Variants in NDUFB7 observed in about 807,000 individuals in gnomAD.
The protein encoded by NDUFB7 is NADH dehydrogenase [ubiquinone] 1 beta subcomplex subunit 7.
A neutral mutation model predicts 14.7 loss-of-function variants in NDUFB7; 18 were observed. That is an observed-to-expected ratio of 1.22 (90% confidence interval 0.85 to 1.81). The LOEUF (loss-of-function observed/expected upper bound fraction) is 1.81, where lower values mean the gene tolerates loss of function less well. NDUFB7 is among the 40% of genes most tolerant of loss of function. The pLI, the probability that NDUFB7 is intolerant of heterozygous loss-of-function variation, is 0.00. For missense variants in NDUFB7, 219 were observed against 195.0 expected, an observed-to-expected ratio of 1.12 and a Z score of -0.73; for synonymous variants, 86 against 76.1, an observed-to-expected ratio of 1.13 and a Z score of -0.68.
Position 14,566,125 on chromosome 19 carries a change from T to C in NDUFB7, c.*8A>G. The C allele has an allele frequency of 1.9e-6, 3 of 1,605,334 alleles. No homozygotes were observed. The highest frequency in any genetic ancestry group is 2.6e-6 in the Non-Finnish European group (3 of 1,176,076). On this transcript the variant is annotated 3_prime_UTR_variant, in exon 3 of 3. Coordinates refer to ENST00000215565, the MANE Select transcript of NDUFB7 (RefSeq NM_004146.6). The stretch of plus-strand genomic sequence containing the variant: ...TTTGACTGGTCCATAGGGTGGGGGG[T>C]GCACCCCCTACAGGGCCACCTTGGG...
At position 14,566,745 on chromosome 19, in the gene NDUFB7, G is replaced by C. The variant is rs1009095339; in HGVS notation, c.281+20C>G. 6 of 1,533,986 alleles carry C rather than the reference G, an allele frequency of 3.9e-6. No individual in the cohort carries two copies. Among genetic ancestry groups the C allele is most frequent in the Non-Finnish European group, 5.3e-6 (6 of 1,142,524 alleles). Reference sequence around the variant, plus strand: ...GGTGTTGCGGGCCGGGGTGTTGGGGGCTGGTGTGGGGGTGCTCACTCGCGG... The same window carrying C: ...GGTGTTGCGGGCCGGGGTGTTGGGGCCTGGTGTGGGGGTGCTCACTCGCGG... On this transcript the variant is annotated intron_variant, in intron 2 of 2. Transcript: ENST00000215565.
At position 14,566,254 on chromosome 19, in the gene NDUFB7, C is replaced by T. The variant is rs372629564; in HGVS notation, c.293G>A (p.Arg98His). ...CCGCTCCCGCTCAAACTCCTTCATGCGCATCACATAGCTGGGGGAAAAGCA... is the reference window on the plus strand; with the variant it reads ...CCGCTCCCGCTCAAACTCCTTCATGTGCATCACATAGCTGGGGGAAAAGCA... ...DYCEHRDYVM[R>H]MKEFERERRL... The change falls in exon 3 of 3, where the codon CGC becomes CAC. Residue 98 changes from arginine (R) to histidine (H), a missense_variant. Arg to His is a conservative substitution (Grantham distance 29, BLOSUM62 0). Transcript: ENST00000215565. 53 of 1,613,956 alleles carry T rather than the reference C, an allele frequency of 3.3e-5. No individual in the cohort carries two copies. The highest frequency in any genetic ancestry group is 4.1e-5 in the Non-Finnish European group (48 of 1,180,028).
chr19:14,567,671 C>T lies in NDUFB7; in HGVS notation c.113-738G>A, dbSNP rs1481306245. 1.3e-5 allele frequency among the ~76,000 whole-genome samples: 2 copies of T among 152,136 alleles called. No homozygotes were observed. The highest frequency in any genetic ancestry group is 2.4e-5 in the African/African-American group (1 of 41,418). ...TGCACTCGTTCCCCACCGCCTCCCT[C>T]AGACCCAGCCTCCCTAGCCCTCCTG... On this transcript the variant is annotated intron_variant, in intron 1 of 2. Coordinates refer to ENST00000215565, the MANE Select transcript of NDUFB7 (RefSeq NM_004146.6). The surrounding 1 kb of genome is among the most constrained non-coding windows in gnomAD (Gnocchi z 5.1).
intron 1 of NDUFB7, among the ~76,000 whole-genome samples, chr19:14,569,745 G>A (rs1479845991): frequency 6.6e-6 from 1 of 152,162 alleles, no homozygotes; most frequent in African/African-American, 2.4e-5. Flanking sequence ...GCTGCTTAGA[G>A]GTCTCTGTCT....
chr19:14,572,042 C>A lies in NDUFB7; in HGVS notation c.-42G>T. On this transcript the variant is annotated 5_prime_UTR_variant, in exon 1 of 3. The change creates a new upstream start codon in the 5' untranslated region. Transcript: ENST00000215565. ...GATCCCTGCAGCAGCCGAGGGTCAC[C>A]TAGCTCCTACCCGGAACCACTGACC... 6.8e-7 allele frequency: 1 copy of A among 1,465,076 alleles called. No homozygotes were observed. Among genetic ancestry groups the A allele is most frequent in the South Asian group, 1.2e-5 (1 of 80,338 alleles). 90.8% of individuals were successfully genotyped at this position (1,465,076 alleles called of 1,614,324 possible). A position where few individuals can be genotyped will look rare whatever the true frequency, so the allele number is the denominator to read the frequency against.
At position 14,572,053 on chromosome 19, in the gene NDUFB7, C is replaced by T. The variant is rs1194526502; in HGVS notation, c.-53G>A. 1.1e-5 allele frequency: 15 copies of T among 1,372,300 alleles called. No individual in the cohort carries two copies. The highest frequency in any genetic ancestry group is 1.4e-5 in the Non-Finnish European group (14 of 1,001,048). The allele number at this position is 1,372,300 out of a possible 1,614,324, so 85.0% of individuals were successfully genotyped here. ...CAGCCGAGGGTCACCTAGCTCCTAC[C>T]CGGAACCACTGACCCCTCAGTCAGA... On this transcript the variant is annotated 5_prime_UTR_variant, in exon 1 of 3. Transcript: ENST00000215565.
chr19:14,570,755 T>C (rs780283967), intron 1 of NDUFB7, among the ~76,000 whole-genome samples: 1 of 152,328 alleles, frequency 6.6e-6, no homozygotes, highest in African/African-American at 2.4e-5. Context: ...AGTGCCTGCA[T>C]CCCTCCAGTT....
chr19:14,566,776 G>A lies in NDUFB7; in HGVS notation c.270C>T (p.Cys90=), dbSNP rs368250480. 2.9e-5 allele frequency: 45 copies of A among 1,544,610 alleles called. No homozygotes were observed. Among genetic ancestry groups the A allele is most frequent in the Middle Eastern group, 2.3e-4 (1 of 4,442 alleles). Residue 90 remains cysteine (C), a synonymous_variant, in exon 2 of 3, where the codon TGC becomes TGT. Coordinates refer to ENST00000215565, the MANE Select transcript of NDUFB7 (RefSeq NM_004146.6). ...GTGGGGGTGCTCACTCGCGGTGCTC[G>A]CAGTAGTCCCAGTCGTGCCGCTCCT... ...CKQERHDWDY[C]EHRDYVMRMK...
intron 1 of NDUFB7, among the ~76,000 whole-genome samples, chr19:14,569,984 G>A (rs963228104): frequency 6.6e-6 from 1 of 152,044 alleles, no homozygotes; most frequent in Non-Finnish European, 1.5e-5. Context: ...TCTGCCTCCT[G>A]GGTTCCAGCC....
At position 14,567,699 on chromosome 19, in the gene NDUFB7, G is replaced by A. The variant is rs1275672288; in HGVS notation, c.113-766C>T. On this transcript the variant is annotated intron_variant, in intron 1 of 2. Coordinates refer to ENST00000215565, the MANE Select transcript of NDUFB7 (RefSeq NM_004146.6). The surrounding 1 kb of genome is among the most constrained non-coding windows in gnomAD (Gnocchi z 5.1). Reference sequence around the variant, plus strand: ...ACCCAGCCTCCCTAGCCCTCCTGACGTCCACCACATCTTTCTCGGTCCCAG... The same window carrying A: ...ACCCAGCCTCCCTAGCCCTCCTGACATCCACCACATCTTTCTCGGTCCCAG... Among the ~76,000 whole-genome samples, 1 of 151,772 alleles carries A rather than the reference G, an allele frequency of 6.6e-6. No homozygotes were observed. Among genetic ancestry groups the A allele is most frequent in the Non-Finnish European group, 1.5e-5 (1 of 67,924 alleles).
intron 1 of NDUFB7, among the ~76,000 whole-genome samples, chr19:14,568,730 A>T (rs918034671): frequency 3.5e-4 from 53 of 152,264 alleles, no homozygotes; most frequent in African/African-American, 1.3e-3. Context: ...AGAAAAAAAT[A>T]AAATTATCTT....
rs767687390 is a variant in NDUFB7, at chr19:14,566,285, G to C, written c.282-20C>G. ...ACATAGCTGGGGGAAAAGCACGAGA[G>C]GGGCTGTCAGGGTCCCTGGCCAGGA... On this transcript the variant is annotated intron_variant, in intron 2 of 2. Coordinates refer to ENST00000215565, the MANE Select transcript of NDUFB7 (RefSeq NM_004146.6). The C allele has an allele frequency of 8.7e-6, 14 of 1,613,360 alleles. No homozygotes were observed. In the Admixed American group the frequency reaches 1.2e-4, roughly 13 times the overall value.
At chr19:14,570,079 T>A (rs562423147) in intron 1 of NDUFB7, among the ~76,000 whole-genome samples, 72 of 151,528 alleles carry the variant, frequency 4.8e-4, no homozygotes, top group Middle Eastern at 3.4e-3. Flanking sequence ...TTTAGTAGAG[T>A]AGAGACGGGG....
Position 14,570,350 on chromosome 19 carries a change from C to A in NDUFB7, c.112+1539G>T, listed in dbSNP as rs566753596. 8.5e-5 allele frequency among the ~76,000 whole-genome samples: 13 copies of A among 152,220 alleles called. No homozygotes were observed. In the East Asian group the frequency reaches 2.3e-3, roughly 27 times the overall value. On this transcript the variant is annotated intron_variant, in intron 1 of 2. Transcript: ENST00000215565. ...GAGTAGCTGGGACTACAGGTGTGCA[C>A]CACCACGCCCCTGGCTAATTTTTGT...
In NDUFB7 at chr19:14,567,360, G is replaced by C. The variant is rs2074097639; in HGVS notation, c.113-427C>G. On this transcript the variant is annotated intron_variant, in intron 1 of 2. Transcript: ENST00000215565. This position sits in a 1 kb window ranked among gnomAD's most constrained non-coding sequence, Gnocchi z 5.1. ...CCAGGCAGCACTCCCAGCCTTTCTT[G>C]TCTGCAACCCACCCAAGGCCCAGCT... 6.6e-6 allele frequency among the ~76,000 whole-genome samples: 1 copy of C among 151,894 alleles called. No homozygotes were observed. The highest frequency in any genetic ancestry group is 6.6e-5 in the Admixed American group (1 of 15,236).
In NDUFB7 at chr19:14,567,874, C is replaced by A. The variant is rs1599514565; in HGVS notation, c.113-941G>T. Among the ~76,000 whole-genome samples the A allele has an allele frequency of 6.6e-6, 1 of 152,182 alleles. No homozygotes were observed. The highest frequency in any genetic ancestry group is 6.6e-5 in the Admixed American group (1 of 15,266). ...CCTCTCCTGCCCCTTGTCCCATTCC[C>A]TGGCTTCTGCCCTACCCCCTCACTG... On this transcript the variant is annotated intron_variant, in intron 1 of 2. Transcript: ENST00000215565. This position sits in a 1 kb window ranked among gnomAD's most constrained non-coding sequence, Gnocchi z 5.1.
chr19:14,572,061 A>C lies in NDUFB7; in HGVS notation c.-61T>G. On this transcript the variant is annotated 5_prime_UTR_variant, in exon 1 of 3. Coordinates refer to ENST00000215565, the MANE Select transcript of NDUFB7 (RefSeq NM_004146.6). ...GGTCACCTAGCTCCTACCCGGAACC[A>C]CTGACCCCTCAGTCAGACACAGCTT... 7.8e-7 allele frequency: 1 copy of C among 1,286,002 alleles called. No homozygotes were observed. The highest frequency in any genetic ancestry group is 1.1e-6 in the Non-Finnish European group (1 of 929,212). 79.7% of individuals were successfully genotyped at this position (1,286,002 alleles called of 1,614,324 possible). A position where few individuals can be genotyped will look rare whatever the true frequency, so the allele number is the denominator to read the frequency against.
Position 14,571,501 on chromosome 19 carries a change from GC to G in NDUFB7, c.112+387del, listed in dbSNP as rs539569819. On this transcript the variant is annotated intron_variant, in intron 1 of 2. Coordinates refer to ENST00000215565, the MANE Select transcript of NDUFB7 (RefSeq NM_004146.6). ...AATCACAGCTACTCGCGAGGCTGAG[GC>G]AGGAGAATCGCTTGAACCCGGGAGG... is the stretch of plus-strand genomic sequence containing the variant. Among the ~76,000 whole-genome samples, 343 of 152,290 alleles carry G rather than the reference GC, an allele frequency of 2.3e-3. 3 individuals carry two copies. The highest frequency in any genetic ancestry group is 7.4e-3 in the African/African-American group (309 of 41,574).
intron 1 of NDUFB7, among the ~76,000 whole-genome samples, chr19:14,569,425 T>A (rs1233189052): frequency 6.6e-6 from 1 of 152,230 alleles, no homozygotes; most frequent in Admixed American, 6.5e-5. Context: ...ACCGTTGGGA[T>A]TACAGGCATG....
Sources: allele counts gnomAD v4.1 joint callset (sites outside exome capture counted in the v4.1 genomes callset), GRCh38; gene constraint gnomAD v4.1.1; non-coding constraint Gnocchi (gnomAD v3.1); transcripts MANE v1.5; gene names NCBI Gene and HGNC (gene_info 2026-07-23, HGNC 2026-07-21).